ATXN7L1: variants seen among roughly 807,000 people sequenced by gnomAD.
The protein encoded by ATXN7L1 is ataxin-7-like protein 1.
A neutral mutation model predicts 70.8 loss-of-function variants in ATXN7L1; 15 were observed. That is an observed-to-expected ratio of 0.21 (90% CI 0.14 to 0.33). ATXN7L1 has a LOEUF of 0.33. ATXN7L1 is among the 10% of genes least tolerant of loss of function. The probability of loss-of-function intolerance (pLI) is 1.00; values close to 1 mark genes in which losing one functional copy is unlikely to be tolerated. For missense variants in ATXN7L1, 975 were observed against 1,097.1 expected (o/e 0.89, Z 1.57); for synonymous variants, 440 against 445.1 (o/e 0.99, Z 0.14).
chr7:105,624,307 G>A (rs1795351910), intron 7 of ATXN7L1, 40 bp from the exon 8 acceptor site: 1 of 1,319,978 alleles, frequency 7.6e-7, no homozygotes, highest in Non-Finnish European at 9.8e-7. Context: ...TAAACCAAAT[G>A]AACCTTTTCT....
chr7:105,674,973 A>C (rs1804395883), intron 3 of ATXN7L1, among the ~76,000 whole-genome samples: 1 of 152,214 alleles, frequency 6.6e-6, no homozygotes, highest in Non-Finnish European at 1.5e-5. Flanking sequence ...ACACCTTGCC[A>C]GCGGTACTTT....
intron 3 of ATXN7L1, chr7:105,761,052 C>T: frequency 1.7e-6 from 1 of 576,612 alleles, no homozygotes; most frequent in Non-Finnish European, 2.3e-6. Context: ...CTTCTGCGTG[C>T]AGAATGAATT....
At chr7:105,847,376 T>G (rs1234936204) in intron 2 of ATXN7L1, among the ~76,000 whole-genome samples, 1 of 152,132 alleles carries the variant, frequency 6.6e-6, no homozygotes, top group Non-Finnish European at 1.5e-5. Context: ...CTTTTGGGCT[T>G]CTTTATCAGT....
chr7:105,778,419 G>A (rs1803042317), intron 3 of ATXN7L1, among the ~76,000 whole-genome samples: 1 of 149,546 alleles, frequency 6.7e-6, no homozygotes, highest in Non-Finnish European at 1.5e-5. Flanking sequence ...GCTAAGGTGG[G>A]AGGATCACCT....
At chr7:105,807,333 A>G (rs1464121872) in intron 2 of ATXN7L1, among the ~76,000 whole-genome samples, 1 of 152,256 alleles carries the variant, frequency 6.6e-6, no homozygotes, top group Non-Finnish European at 1.5e-5. Flanking sequence ...AATGCTGTGC[A>G]GAATTTGAAC....
At chr7:105,642,618 C>T (rs959428734) in intron 5 of ATXN7L1, among the ~76,000 whole-genome samples, 1 of 152,246 alleles carries the variant, frequency 6.6e-6, no homozygotes, top group Non-Finnish European at 1.5e-5. Flanking sequence ...GTAACTCCCG[C>T]TAAGCACTGA....
intron 3 of ATXN7L1, among the ~76,000 whole-genome samples, chr7:105,692,110 C>T (rs866895663): frequency 4.0e-5 from 6 of 151,794 alleles, no homozygotes; most frequent in Non-Finnish European, 7.4e-5. Context: ...GAAGGACAGA[C>T]GTCATGCTAC....
intron 11 of ATXN7L1, 134 bp from the exon 12 acceptor site, chr7:105,608,024 G>C (rs1432824079): frequency 1.3e-6 from 1 of 798,464 alleles, no homozygotes; most frequent in African/African-American, 1.7e-5. Context: ...TCCAGCAAAG[G>C]GCAGCTGGAA....
chr7:105,639,599 G>GA (rs1562936977), intron 5 of ATXN7L1, 30 bp from the exon 6 acceptor site: 7 of 1,464,928 alleles, frequency 4.8e-6, no homozygotes, highest in Middle Eastern at 3.4e-4. Flanking sequence ...AAAAATATAA[G>GA]AAAAAAGGAG....
chr7:105,683,535 C>T (rs1208141318), intron 3 of ATXN7L1, among the ~76,000 whole-genome samples: 4 of 151,972 alleles, frequency 2.6e-5, no homozygotes, highest in East Asian at 1.9e-4. Flanking sequence ...AAAAATTAGC[C>T]GAGCGTGGTG....
At chr7:105,690,848 AT>A (rs1790700607) in intron 3 of ATXN7L1, among the ~76,000 whole-genome samples, 1 of 152,184 alleles carries the variant, frequency 6.6e-6, no homozygotes, top group South Asian at 2.1e-4. Flanking sequence ...AAACCCTTTT[AT>A]AGAGTGCTAA....
chr7:105,754,359 G>C (rs898782657), intron 3 of ATXN7L1, among the ~76,000 whole-genome samples: 2 of 151,654 alleles, frequency 1.3e-5, no homozygotes, highest in South Asian at 4.2e-4. Flanking sequence ...TTGTTAGTCT[G>C]GTCCCTTGTT....
chr7:105,849,839 T>C (rs1814616878), intron 2 of ATXN7L1, among the ~76,000 whole-genome samples: 1 of 152,254 alleles, frequency 6.6e-6, no homozygotes, highest in Non-Finnish European at 1.5e-5. Context: ...AGAGTTGCCC[T>C]GATGGGCTGG....
In ATXN7L1 at chr7:105,639,421, G is replaced by C. The variant is rs948611106; in HGVS notation, c.945+66C>G. On this transcript the variant is annotated intron_variant, in intron 6 of 11. Transcript: ENST00000419735. ...CACACCCTGCCGTGTGCAGAGAGTG[G>C]CATGCAAACATTTCGACAAAGGCCC... 1.0e-5 allele frequency: 13 copies of C among 1,249,500 alleles called. No individual in the cohort carries two copies. In the African/African-American group the frequency reaches 1.3e-4, roughly 13 times the overall value. 77.4% of individuals were successfully genotyped at this position (1,249,500 alleles called of 1,614,324 possible).
chr7:105,871,084 G>GT (rs3999852), intron 2 of ATXN7L1, among the ~76,000 whole-genome samples: 28,866 of 134,984 alleles, frequency 0.21, 3,593 homozygotes, highest in African/African-American at 0.35. Flanking sequence ...GAGGGCTTGG[G>GT]TTTTTTTTTT....
chr7:105,659,079 G>A lies in ATXN7L1; in HGVS notation c.578+5987C>T, dbSNP rs112778510. Among the ~76,000 whole-genome samples the A allele has an allele frequency of 8.8e-3, 1,334 of 152,270 alleles. 19 individuals are homozygous for A. Among genetic ancestry groups the A allele is most frequent in the African/African-American group, 0.03 (1,246 of 41,554 alleles). On this transcript the variant is annotated intron_variant, in intron 4 of 11. Coordinates refer to ENST00000419735, the MANE Select transcript of ATXN7L1 (RefSeq NM_020725.2). ...TTGAACCTGTGTGATAGAGGTTGCAGTGAGCTGAGATCACGCCACTGTACT... is the reference window on the plus strand; with the variant it reads ...TTGAACCTGTGTGATAGAGGTTGCAATGAGCTGAGATCACGCCACTGTACT...
At position 105,665,238 on chromosome 7, in the gene ATXN7L1, C is replaced by T. The variant is rs1312127875; in HGVS notation, c.406G>A (p.Ala136Thr). ...ACTAGTGATGTCCTGGGATTGGAGG[C>T]TGGAGACACTGGAGAGGGAGAAGGT... ...CRPSPSPVSP[A>T]SNPRTSLVQV... is the part of the protein sequence containing the mutation. The change falls in exon 4 of 12, where the codon GCC becomes ACC. Residue 136 changes from alanine (A) to threonine (T), a missense_variant. Transcript: ENST00000419735. The T allele has an allele frequency of 6.4e-7, 1 of 1,551,476 alleles. No homozygotes were observed. The highest frequency in any genetic ancestry group is 1.4e-5 in the African/African-American group (1 of 73,008).
chr7:105,614,162 G>A lies in ATXN7L1; in HGVS notation c.2172C>T (p.Gly724=), dbSNP rs370359147. 4.8e-5 allele frequency: 74 copies of A among 1,551,650 alleles called. No individual in the cohort carries two copies. The highest frequency in any genetic ancestry group is 1.7e-4 in the Middle Eastern group (1 of 5,992). Residue 724 remains glycine (G), a synonymous_variant, in exon 10 of 12, where the codon GGC becomes GGT. Transcript: ENST00000419735. This position sits in a 1 kb window ranked among gnomAD's most constrained non-coding sequence, Gnocchi z 4.3. ...LEPSGRTSLP[G]GPADIVRQVG... ...CCTGTCTCACTATGTCCGCGGGGCC[G>A]CCGGGCAGCGAGGTCCGTCCTGAGG...
chr7:105,657,309 T>C (rs1218639763), intron 4 of ATXN7L1, among the ~76,000 whole-genome samples: 1 of 152,004 alleles, frequency 6.6e-6, no homozygotes, highest in Admixed American at 6.6e-5. Context: ...GGAGCCCAAT[T>C]GACACACCAT....
Sources: allele counts gnomAD v4.1 joint callset (sites outside exome capture counted in the v4.1 genomes callset), GRCh38; gene constraint gnomAD v4.1.1; non-coding constraint Gnocchi (gnomAD v3.1); transcripts MANE v1.5; gene names NCBI Gene and HGNC (gene_info 2026-07-23, HGNC 2026-07-21).